The following IGLON5 variants were observed in gnomAD, a reference collection of about 807,000 sequenced individuals.
IGLON5 encodes the protein Ig-like domain-containing protein ENSP00000270642.
A neutral mutation model predicts 38.2 loss-of-function variants in IGLON5; 16 were observed. That is an observed-to-expected ratio of 0.42 (90% CI 0.28 to 0.64). The LOEUF (loss-of-function observed/expected upper bound fraction) is 0.64, where lower values mean the gene tolerates loss of function less well. Ranked by LOEUF, IGLON5 falls within the 30% of genes least tolerant of loss-of-function variation. IGLON5 has a pLI of 0.23. For missense variants in IGLON5, 366 were observed against 483.4 expected (o/e 0.76, Z 2.28); for synonymous variants, 207 against 216.4 (o/e 0.96, Z 0.38).
chr19:51,319,495 A>G (rs1420570965), intron 1 of IGLON5, among the ~76,000 whole-genome samples: 1 of 151,832 alleles, frequency 6.6e-6, no homozygotes, highest in African/African-American at 2.4e-5. Flanking sequence ...GTTGGGAATC[A>G]TGGTGCTCGC....
rs1985207809 is a variant in IGLON5 at position 51,325,991 on chromosome 19, AC to A, written c.511+527del. Among the ~76,000 whole-genome samples the A allele has an allele frequency of 6.6e-6, 1 of 152,036 alleles. No homozygotes were observed. The highest frequency in any genetic ancestry group is 6.6e-5 in the Admixed American group (1 of 15,264). On this transcript the variant is annotated intron_variant, in intron 4 of 7. Coordinates refer to ENST00000270642, the MANE Select transcript of IGLON5 (RefSeq NM_001101372.3). This position sits in a 1 kb window ranked among gnomAD's most constrained non-coding sequence, Gnocchi z 5.5. ...TAAATCCAAAGCTCCCTCTCGCTCC[AC>A]AAGCCCCAAGAACCAGTGCTCAAGG...
chr19:51,322,699 C>CTG (rs887828659), intron 2 of IGLON5, among the ~76,000 whole-genome samples: 1 of 141,538 alleles, frequency 7.1e-6, no homozygotes, highest in Non-Finnish European at 1.5e-5. Context: ...CTGTCCTTCT[C>CTG]TGTGTGTGTG....
In IGLON5 at chr19:51,312,760, CG is replaced by C. The variant is rs1984799639; in HGVS notation, c.79+836del. On this transcript the variant is annotated intron_variant, in intron 1 of 7. Coordinates refer to ENST00000270642, the MANE Select transcript of IGLON5 (RefSeq NM_001101372.3). ...TTGAAGGGTTAACCCCGGCCCGGCC[CG>C]GCCCTCCCAGTTGGGGAGAGGGCCA... is the stretch of plus-strand genomic sequence containing the variant. Among the ~76,000 whole-genome samples the C allele has an allele frequency of 1.3e-5, 2 of 152,140 alleles. 1 individual carries two copies. The highest frequency in any genetic ancestry group is 4.1e-4 in the South Asian group (2 of 4,834).
rs142208889 is a variant in IGLON5, at chr19:51,325,860, C to T, written c.511+395C>T. ...ATCTCTGCCTCTCTCTTCTGCTGGA[C>T]GCTCTAGCCCAGCGGGCCTCATGGT... On this transcript the variant is annotated intron_variant, in intron 4 of 7. Coordinates refer to ENST00000270642, the MANE Select transcript of IGLON5 (RefSeq NM_001101372.3). The surrounding 1 kb of genome is among the most constrained non-coding windows in gnomAD (Gnocchi z 5.5). Among the ~76,000 whole-genome samples, 1,789 of 152,278 alleles carry T rather than the reference C, an allele frequency of 0.012. 11 individuals are homozygous for T. The highest frequency in any genetic ancestry group is 0.019 in the Non-Finnish European group (1,282 of 68,022).
In IGLON5 at chr19:51,324,673, G is replaced by A. The variant is rs142746559; in HGVS notation, c.392-673G>A. ...TGTCATATGTCAAATCCCAGACGTC[G>A]TCAATTAGAAGAGCTACTTTTATTT... On this transcript the variant is annotated intron_variant, in intron 3 of 7. Coordinates refer to ENST00000270642, the MANE Select transcript of IGLON5 (RefSeq NM_001101372.3). This position sits in a 1 kb window ranked among gnomAD's most constrained non-coding sequence, Gnocchi z 4.2. Among the ~76,000 whole-genome samples, 44 of 152,040 alleles carry A rather than the reference G, an allele frequency of 2.9e-4. No homozygotes were observed. The East Asian group carries it at 7.4e-3, about 26-fold the overall frequency.
At chr19:51,317,965 G>A (rs971911283) in intron 1 of IGLON5, among the ~76,000 whole-genome samples, 4 of 152,158 alleles carry the variant, frequency 2.6e-5, no homozygotes, top group Non-Finnish European at 5.9e-5. Flanking sequence ...TCTGGTCTCT[G>A]AGGACCATCC....
chr19:51,322,559 C>T (rs1206048210), intron 2 of IGLON5, among the ~76,000 whole-genome samples: 1 of 151,110 alleles, frequency 6.6e-6, no homozygotes, highest in Non-Finnish European at 1.5e-5. Context: ...TCTCTGTTCC[C>T]CCCTCTCTCC....
chr19:51,317,834 T>C (rs77898691), intron 1 of IGLON5, among the ~76,000 whole-genome samples: 3,284 of 152,248 alleles, frequency 0.022, 95 homozygotes, highest in African/African-American at 0.062. Context: ...GAACTACTAT[T>C]TTTCACCTTG....
intron 1 of IGLON5, among the ~76,000 whole-genome samples, chr19:51,314,938 C>G (rs1202745599): frequency 6.6e-6 from 1 of 152,142 alleles, no homozygotes; most frequent in Non-Finnish European, 1.5e-5. Context: ...CAGACTTAGA[C>G]ACGACACACA....
At position 51,326,986 on chromosome 19, in the gene IGLON5, G is replaced by A. The variant is rs183822714; in HGVS notation, c.646+88G>A. 5.8e-3 allele frequency: 9,115 copies of A among 1,582,158 alleles called. 54 individuals are homozygous for A. The highest frequency in any genetic ancestry group is 0.019 in the African/African-American group (1,418 of 74,224). ...ATCTGGGGGAAGAGGAAGCGGGGGC[G>A]AGACTTACGGGCCTGAGGGAGGCGG... On this transcript the variant is annotated intron_variant, in intron 5 of 7. Transcript: ENST00000270642.
At position 51,323,867 on chromosome 19, in the gene IGLON5, A is replaced by G; in HGVS notation, c.364A>G (p.Thr122Ala). ...CTTCCAGACCCGCCACCAGCCGTAC[A>G]CCACTCAGGTCTACCTCATTGTCCA... is the stretch of plus-strand genomic sequence containing the variant. ...CSFQTRHQPY[T>A]TQVYLIVHVP... The change falls in exon 3 of 8, where the codon ACC becomes GCC. Residue 122 changes from threonine to alanine, a missense_variant. By Grantham distance (58) the Thr-to-Ala change is moderately conservative (BLOSUM62 0). Coordinates refer to ENST00000270642, the MANE Select transcript of IGLON5 (RefSeq NM_001101372.3). 1 of 1,612,532 alleles carries G rather than the reference A, an allele frequency of 6.2e-7. No individual in the cohort carries two copies. The highest frequency in any genetic ancestry group is 8.5e-7 in the Non-Finnish European group (1 of 1,178,956).
In IGLON5 at chr19:51,330,796, C is replaced by G. The variant is rs1985338829; in HGVS notation, c.*2037C>G. 6.8e-6 allele frequency among the ~76,000 whole-genome samples: 1 copy of G among 147,538 alleles called. No homozygotes were observed. The highest frequency in any genetic ancestry group is 2.1e-4 in the South Asian group (1 of 4,726). ...AGTGGAAACCTTAGAGAAACTGAGT[C>G]CATGATTATATATCATTTGAGCAGC... On this transcript the variant is annotated 3_prime_UTR_variant, in exon 8 of 8. Transcript: ENST00000270642.
chr19:51,314,198 T>C (rs1446758029), intron 1 of IGLON5, among the ~76,000 whole-genome samples: 1 of 101,252 alleles, frequency 9.9e-6, no homozygotes, highest in Admixed American at 1.1e-4. Flanking sequence ...TTTTTTTTTT[T>C]TTTGAGGCAG....
intron 1 of IGLON5, among the ~76,000 whole-genome samples, chr19:51,313,631 T>C (rs976362771): frequency 1.5e-4 from 18 of 120,872 alleles, no homozygotes; most frequent in Non-Finnish European, 2.8e-4. Context: ...CTTTCTCTTT[T>C]TCTCTCTCTC....
Position 51,327,710 on chromosome 19 carries a change from C to T in IGLON5, c.768-22C>T. ...GCCTGGCTGGGCGCTGCGGCCCGGC[C>T]CCTGACCCGGATCCCTGGCAGGCTG... On this transcript the variant is annotated intron_variant, in intron 6 of 7. Coordinates refer to ENST00000270642, the MANE Select transcript of IGLON5 (RefSeq NM_001101372.3). This position sits in a 1 kb window ranked among gnomAD's most constrained non-coding sequence, Gnocchi z 7.1. The T allele has an allele frequency of 6.4e-7, 1 of 1,555,544 alleles. No homozygotes were observed. Among genetic ancestry groups the T allele is most frequent in the Non-Finnish European group, 8.7e-7 (1 of 1,155,772 alleles).
At chr19:51,313,655 C>CTTTCTTTCTCTCTCTT (rs1291279296) in intron 1 of IGLON5, among the ~76,000 whole-genome samples, 30 of 68,424 alleles carry the variant, frequency 4.4e-4, no homozygotes, top group East Asian at 3.1e-3. Context: ...CTTTTTCTTT[C>CTTTCTTTCTCTCTCTT]TTTCTTTCTT....
intron 1 of IGLON5, among the ~76,000 whole-genome samples, chr19:51,316,472 T>C (rs1203665659): frequency 2.0e-5 from 3 of 150,738 alleles, no homozygotes; most frequent in Admixed American, 2.0e-4. Context: ...TCTTTTTTTT[T>C]CTTTGTTTTT....
intron 1 of IGLON5, among the ~76,000 whole-genome samples, chr19:51,318,480 C>T (rs1321239093): frequency 2.0e-5 from 3 of 152,140 alleles, no homozygotes; most frequent in Non-Finnish European, 4.4e-5. Flanking sequence ...CACTCTGGCT[C>T]ACGCCTGCAA....
At chr19:51,314,646 T>C (rs1984870286) in intron 1 of IGLON5, among the ~76,000 whole-genome samples, 2 of 152,062 alleles carry the variant, frequency 1.3e-5, no homozygotes, top group Admixed American at 1.3e-4. Context: ...TGGGGTGGGG[T>C]TGAGACAGAA....
Sources: gnomAD v4.1 joint callset for allele counts (sites outside exome capture counted in the v4.1 genomes callset) on GRCh38, gnomAD v4.1.1 for gene constraint, Gnocchi (gnomAD v3.1) non-coding constraint, MANE v1.5 for transcripts, NCBI Gene and HGNC (gene_info 2026-07-23, HGNC 2026-07-21) for gene names.